SCML4: variants seen among roughly 807,000 people sequenced by gnomAD.
SCML4 encodes the protein sex comb on midleg-like protein 4.
Under a neutral mutation model 41.1 loss-of-function variants are expected in SCML4, and 34 were observed. The observed-to-expected ratio is 0.83, with a 90% CI of 0.63 to 1.10. SCML4 has a LOEUF of 1.10. Ranked by LOEUF, SCML4 falls within the 50% of genes least tolerant of loss-of-function variation. SCML4 has a pLI of 0.00. For missense variants in SCML4, 522 were observed against 534.1 expected, an observed-to-expected ratio of 0.98 and a Z score of 0.22; for synonymous variants, 214 against 220.9, an observed-to-expected ratio of 0.97 and a Z score of 0.28.
chr6:107,803,158 C>A (rs1472185897), intron 1 of SCML4, among the ~76,000 whole-genome samples: 1 of 151,524 alleles, frequency 6.6e-6, no homozygotes, highest in Non-Finnish European at 1.5e-5. Flanking sequence ...CTTTGCCCGG[C>A]CGCCACCCCA....
chr6:107,769,411 T>C (rs549910796), intron 2 of SCML4, among the ~76,000 whole-genome samples: 2 of 152,336 alleles, frequency 1.3e-5, no homozygotes, highest in Admixed American at 1.3e-4. Flanking sequence ...CAGCCTGTGT[T>C]ACATGTTCTT....
chr6:107,820,729 G>C (rs1332287978), intron 1 of SCML4, among the ~76,000 whole-genome samples: 4 of 152,144 alleles, frequency 2.6e-5, no homozygotes, highest in African/African-American at 9.7e-5. Context: ...TGGTATGGGC[G>C]TATCAACAAA....
At chr6:107,842,585 G>A in the SCML4 span, among the ~76,000 whole-genome samples, 1 of 152,164 alleles carries the variant, frequency 6.6e-6, no homozygotes, top group East Asian at 1.9e-4. Flanking sequence ...TTGAGATGGG[G>A]TTTTGCCATG....
In SCML4 at chr6:107,720,814, C is replaced by G. The variant is rs759603024; in HGVS notation, c.862G>C (p.Gly288Arg). The G allele has an allele frequency of 1.2e-6, 2 of 1,614,062 alleles. No individual in the cohort carries two copies. Among genetic ancestry groups the G allele is most frequent in the Admixed American group, 1.7e-5 (1 of 60,024 alleles). Reference sequence around the variant, plus strand: ...GACATGGGGCTAGTGCGGGGACCACCAGCGGTGGCAGCAGGACCACCCCCA... The same window carrying G: ...GACATGGGGCTAGTGCGGGGACCACGAGCGGTGGCAGCAGGACCACCCCCA... The part of the protein sequence containing the change: ...HLGGGPAATA[G>R]GPRTSPMSSG... Residue 288 changes from glycine to arginine, a missense_variant, in exon 6 of 8, where the codon GGT (glycine) becomes CGT (arginine). Coordinates refer to ENST00000369020, the MANE Select transcript of SCML4 (RefSeq NM_198081.5).
chr6:107,738,845 G>A (rs12665443), intron 5 of SCML4, among the ~76,000 whole-genome samples: 1 of 152,112 alleles, frequency 6.6e-6, no homozygotes, highest in Non-Finnish European at 1.5e-5. Context: ...CTGTCAGCCT[G>A]TAAGGGACCA....
intron 4 of SCML4, 95 bp from the exon 5 acceptor site, chr6:107,745,238 G>T: frequency 1.1e-6 from 1 of 905,744 alleles, no homozygotes; most frequent in Non-Finnish European, 1.7e-6. Context: ...GTTCATTTTT[G>T]TTTTGTTGCT....
intron 5 of SCML4, among the ~76,000 whole-genome samples, chr6:107,729,494 A>G (rs908670915): frequency 7.2e-5 from 11 of 152,198 alleles, no homozygotes; most frequent in African/African-American, 2.7e-4. Flanking sequence ...CAAAGATCCT[A>G]TTTCCAAATA....
intron 4 of SCML4, chr6:107,745,351 C>T (rs894270121): frequency 7.6e-6 from 4 of 525,294 alleles, no homozygotes; most frequent in South Asian, 5.3e-5. Context: ...ACGTCTCCTT[C>T]GTCTCCTTGG....
intron 6 of SCML4, chr6:107,719,066 G>T (rs902796250): frequency 6.6e-6 from 1 of 152,204 alleles, no homozygotes; most frequent in Non-Finnish European, 1.5e-5. Flanking sequence ...TTACAGTGTT[G>T]GTTCGTGAAA....
At position 107,771,329 on chromosome 6, in the gene SCML4, G is replaced by A. The variant is rs535208864; in HGVS notation, c.156+843C>T. Among the ~76,000 whole-genome samples, 4 of 152,230 alleles carry A rather than the reference G, an allele frequency of 2.6e-5. No individual in the cohort carries two copies. In the South Asian group the frequency reaches 8.3e-4, roughly 32 times the overall value. On this transcript the variant is annotated intron_variant, in intron 2 of 7. Transcript: ENST00000369020. The stretch of plus-strand genomic sequence containing the variant: ...GGTTTCAGTATTCAGGTCTCAAGAT[G>A]GAAACATAAGCCTTTATTTCACGAA...
intron 1 of SCML4, among the ~76,000 whole-genome samples, chr6:107,806,186 T>TCCCCCCC (rs35905486): frequency 3.5e-5 from 1 of 28,904 alleles, no homozygotes; most frequent in African/African-American, 4.6e-5. Flanking sequence ...AACAGAGATT[T>TCCCCCCC]CCCCCCCCCC....
At chr6:107,799,188 C>T (rs573183403) in intron 1 of SCML4, among the ~76,000 whole-genome samples, 1 of 152,210 alleles carries the variant, frequency 6.6e-6, no homozygotes, top group African/African-American at 2.4e-5. Flanking sequence ...TGTGAAATTG[C>T]CTATTTGTCC....
At chr6:107,780,135 G>C (rs762347287) in intron 1 of SCML4, among the ~76,000 whole-genome samples, 3 of 152,196 alleles carry the variant, frequency 2.0e-5, no homozygotes, top group African/African-American at 4.8e-5. Flanking sequence ...TACTGAGGCT[G>C]ATGGCCCACA....
chr6:107,789,977 G>A (rs557874285), intron 1 of SCML4, among the ~76,000 whole-genome samples: 181 of 152,350 alleles, frequency 1.2e-3, no homozygotes, highest in Middle Eastern at 3.4e-3. Flanking sequence ...CCGTATAGAT[G>A]GAGAGTCTGT....
chr6:107,827,619 C>T (rs1414131806), upstream of SCML4, among the ~76,000 whole-genome samples: 1 of 152,162 alleles, frequency 6.6e-6, no homozygotes, highest in Non-Finnish European at 1.5e-5. Context: ...CTCTCTAAGT[C>T]TTGTACATCC....
At chr6:107,769,243 T>G (rs1780318754) in intron 2 of SCML4, among the ~76,000 whole-genome samples, 1 of 152,228 alleles carries the variant, frequency 6.6e-6, no homozygotes, top group African/African-American at 2.4e-5. Context: ...CCCAGTCATG[T>G]GGCTGCGAGC....
intron 1 of SCML4, among the ~76,000 whole-genome samples, chr6:107,776,691 C>T (rs780349418): frequency 1.1e-4 from 17 of 152,164 alleles, no homozygotes; most frequent in Non-Finnish European, 2.2e-4. Flanking sequence ...TACACAGCCA[C>T]ACCTCCTAAT....
intron 1 of SCML4, among the ~76,000 whole-genome samples, chr6:107,803,168 AT>A (rs1358934309): frequency 6.8e-6 from 1 of 146,180 alleles, no homozygotes; most frequent in South Asian, 2.2e-4. Flanking sequence ...CCGCCACCCC[AT>A]CTGGGAAGTG....
rs1164896830 is a variant in SCML4 at position 107,707,934 on chromosome 6, C to T, written c.1051G>A (p.Val351Met). ...RNPSAWTVED[V>M]VWFVKDADPQ... ...TCGGCGTCCTTCACAAACCACACCA[C>T]GTCCTCCACAGTCCAGGCGGAGGGG... is the stretch of plus-strand genomic sequence containing the variant. The change falls in exon 7 of 8, where the codon GTG becomes ATG. Residue 351 changes from valine to methionine, a missense_variant. Physicochemically the swap from Val to Met is conservative, Grantham distance 21. Coordinates refer to ENST00000369020, the MANE Select transcript of SCML4 (RefSeq NM_198081.5). 8 of 1,551,704 alleles carry T rather than the reference C, an allele frequency of 5.2e-6. No homozygotes were observed. Among genetic ancestry groups the T allele is most frequent in the Admixed American group, 2.0e-5 (1 of 51,010 alleles).
Sources: allele counts gnomAD v4.1 joint callset (sites outside exome capture counted in the v4.1 genomes callset), GRCh38; gene constraint gnomAD v4.1.1; transcripts MANE v1.5; gene names NCBI Gene and HGNC (gene_info 2026-07-23, HGNC 2026-07-21).